The following PPP4R2 variants were observed in gnomAD, a reference collection of about 807,000 sequenced individuals.
PPP4R2 encodes the protein protein phosphatase 4 regulatory subunit 2.
PPP4R2 carries 13 observed loss-of-function variants against 47.2 expected under a neutral mutation model. That is an observed-to-expected ratio of 0.28 (90% CI 0.18 to 0.44). The LOEUF (loss-of-function observed/expected upper bound fraction) is 0.44, where lower values mean the gene tolerates loss of function less well. PPP4R2 is among the 20% of genes least tolerant of loss of function. PPP4R2 has a pLI of 1.00. For synonymous variants in PPP4R2, 151 were observed against 163.3 expected (o/e 0.92, Z 0.57); for missense variants, 421 against 491.2 (o/e 0.86, Z 1.35).
chr3:73,003,904 T>G (rs1701538347), intron 2 of PPP4R2, among the ~76,000 whole-genome samples: 1 of 152,192 alleles, frequency 6.6e-6, no homozygotes, highest in Non-Finnish European at 1.5e-5. Flanking sequence ...TTCTCTGTGA[T>G]GGCTGGGCTG....
chr3:73,021,913 T>A (rs1413587612), intron 2 of PPP4R2, among the ~76,000 whole-genome samples: 2 of 150,002 alleles, frequency 1.3e-5, no homozygotes, highest in Non-Finnish European at 3.0e-5. Context: ...TTTTTTTTTT[T>A]TTTGAAACAA....
intron 1 of PPP4R2, among the ~76,000 whole-genome samples, chr3:72,997,699 T>A (rs1002196786): frequency 5.3e-5 from 8 of 152,308 alleles, no homozygotes; most frequent in Admixed American, 5.2e-4. Flanking sequence ...CTTGGGGTAG[T>A]TGGTGCTTCT....
chr3:73,008,447 G>C (rs1466365234), intron 2 of PPP4R2, among the ~76,000 whole-genome samples: 1 of 152,044 alleles, frequency 6.6e-6, no homozygotes, highest in East Asian at 1.9e-4. Flanking sequence ...CATTCTTTCG[G>C]GTGCCCAAAT....
intron 2 of PPP4R2, among the ~76,000 whole-genome samples, chr3:73,036,644 T>A (rs1370629946): frequency 6.6e-6 from 1 of 152,236 alleles, no homozygotes; most frequent in Non-Finnish European, 1.5e-5. Context: ...TAAACCAAAG[T>A]ACAAATTGTT....
chr3:73,018,104 A>G (rs1217072129), intron 2 of PPP4R2, among the ~76,000 whole-genome samples: 2 of 152,162 alleles, frequency 1.3e-5, no homozygotes. Context: ...TCCTTTGTAC[A>G]TCATTCCTAG....
intron 2 of PPP4R2, among the ~76,000 whole-genome samples, chr3:73,007,943 C>A (rs966814625): frequency 3.0e-4 from 45 of 151,852 alleles, no homozygotes; most frequent in African/African-American, 9.9e-4. Context: ...TTCTTTAATG[C>A]TTTTTTTCAG....
chr3:73,026,104 T>G (rs1027800756), intron 2 of PPP4R2, among the ~76,000 whole-genome samples: 3 of 152,216 alleles, frequency 2.0e-5, no homozygotes, highest in South Asian at 4.1e-4. Context: ...TTCCCATGAT[T>G]AAAATCTTTC....
rs1364506704 is a variant in PPP4R2, at chr3:73,066,668, C to G, written c.*946C>G. On this transcript the variant is annotated 3_prime_UTR_variant, in exon 9 of 9. Transcript: ENST00000356692. ...TTGACCTTTTGCTTGCTTTTCTGAA[C>G]ATTGTGAATATTACACATGTCTTTC... The G allele has an allele frequency of 6.6e-6, 1 of 152,028 alleles. No homozygotes were observed. The highest frequency in any genetic ancestry group is 1.5e-5 in the Non-Finnish European group (1 of 67,924). The allele number at this position is 152,028 out of a possible 1,614,324, so 9.4% of individuals were successfully genotyped here. A position where few individuals can be genotyped will look rare whatever the true frequency, so the allele number is the denominator to read the frequency against.
In PPP4R2 at chr3:73,014,545, A is replaced by G. The variant is rs543892889; in HGVS notation, c.116+16387A>G. Among the ~76,000 whole-genome samples the G allele has an allele frequency of 1.4e-3, 211 of 152,004 alleles. 1 individual carries two copies. The highest frequency in any genetic ancestry group is 4.8e-3 in the African/African-American group (198 of 41,458). On this transcript the variant is annotated intron_variant, in intron 2 of 8. Transcript: ENST00000356692. ...ATTGCTGAACTCAAGCAATTCTCCC[A>G]CCTTGGCCTCCCAAAGTGCTGGGAT...
At chr3:73,052,135 AGAATATT>A (rs1396180737) in intron 3 of PPP4R2, among the ~76,000 whole-genome samples, 1 of 152,158 alleles carries the variant, frequency 6.6e-6, no homozygotes, top group African/African-American at 2.4e-5. Context: ...AGTAAAGAAA[AGAATATT>A]GAATAACTGG....
chr3:73,000,821 A>G (rs146121586), intron 2 of PPP4R2, among the ~76,000 whole-genome samples: 1 of 152,352 alleles, frequency 6.6e-6, no homozygotes, highest in African/African-American at 2.4e-5. Flanking sequence ...AATATATAGT[A>G]TGCGCTGAAT....
chr3:73,012,923 A>AC (rs1701753449), intron 2 of PPP4R2, among the ~76,000 whole-genome samples: 1 of 147,962 alleles, frequency 6.8e-6, no homozygotes, highest in South Asian at 2.1e-4. Context: ...TTTTTTTTAA[A>AC]CCACCCTTAC....
intron 2 of PPP4R2, among the ~76,000 whole-genome samples, chr3:73,020,711 A>G (rs1470111502): frequency 6.7e-6 from 1 of 148,536 alleles, no homozygotes; most frequent in East Asian, 2.0e-4. Context: ...CTTTTTTTGT[A>G]GAGACAGGGT....
At chr3:72,998,357 T>A (rs1484437459) in intron 2 of PPP4R2, among the ~76,000 whole-genome samples, 199 bp downstream of exon 2, 1 of 152,252 alleles carries the variant, frequency 6.6e-6, no homozygotes, top group Admixed American at 6.5e-5. Flanking sequence ...TAACGGATTT[T>A]AAAAACCTGT....
chr3:73,007,426 C>G (rs1435875945), intron 2 of PPP4R2, among the ~76,000 whole-genome samples: 2 of 152,008 alleles, frequency 1.3e-5, no homozygotes, highest in Admixed American at 6.6e-5. Context: ...CTGTTAGATC[C>G]TTTTGTGAGG....
rs139813553 is a variant in PPP4R2, at chr3:73,068,381, T to C, written c.*2659T>C. 7 of 152,250 alleles carry C rather than the reference T, an allele frequency of 4.6e-5. No homozygotes were observed. Among genetic ancestry groups the C allele is most frequent in the Admixed American group, 6.5e-5 (1 of 15,296 alleles). 9.4% of individuals were successfully genotyped at this position (152,250 alleles called of 1,614,324 possible). The stretch of plus-strand genomic sequence containing the variant: ...ATGAGGAAAGTGAGATATATATATA[T>C]ATATGTATTATGTTTCTAGCACTTT... On this transcript the variant is annotated 3_prime_UTR_variant, in exon 9 of 9. Transcript: ENST00000356692.
chr3:73,018,465 A>ATTTATGTTATGTTTAT (rs1295553516), intron 2 of PPP4R2, among the ~76,000 whole-genome samples: 1 of 88,856 alleles, frequency 1.1e-5, no homozygotes, highest in Non-Finnish European at 2.7e-5. Context: ...ATGTTATGTT[A>ATTTATGTTATGTTTAT]GTATCCGAAA....
intron 2 of PPP4R2, among the ~76,000 whole-genome samples, chr3:73,024,932 G>A (rs1402348789): frequency 6.6e-6 from 1 of 152,124 alleles, no homozygotes; most frequent in African/African-American, 2.4e-5. Flanking sequence ...CCAAGCCAAA[G>A]GGTATGAGGA....
At chr3:73,008,591 A>C (rs1701661511) in intron 2 of PPP4R2, among the ~76,000 whole-genome samples, 1 of 152,092 alleles carries the variant, frequency 6.6e-6, no homozygotes, top group Admixed American at 6.5e-5. Context: ...TTCCAAACTT[A>C]GCTTTTCTAC....
Sources: gnomAD v4.1 joint callset for allele counts (sites outside exome capture counted in the v4.1 genomes callset) on GRCh38, gnomAD v4.1.1 for gene constraint, MANE v1.5 for transcripts, NCBI Gene and HGNC (gene_info 2026-07-23, HGNC 2026-07-21) for gene names.